Variants in CSRNP3 observed in about 807,000 individuals in gnomAD.
CSRNP3 encodes the protein cysteine/serine-rich nuclear protein 3.
CSRNP3 carries 12 observed loss-of-function variants against 48.0 expected under a neutral mutation model. The observed-to-expected ratio is 0.25, with a 90% CI of 0.16 to 0.41. The LOEUF is 0.41. Among genes scored for constraint, CSRNP3 ranks in the 10% least tolerant of loss-of-function variants. The probability of loss-of-function intolerance (pLI) is 1.00; values close to 1 mark genes in which losing one functional copy is unlikely to be tolerated. For missense variants in CSRNP3, 580 were observed against 724.4 expected (o/e 0.80, Z 2.29); for synonymous variants, 263 against 269.7 (o/e 0.98, Z 0.24).
chr2:165,577,813 A>T (rs915210602), intron 3 of CSRNP3, among the ~76,000 whole-genome samples: 3 of 151,902 alleles, frequency 2.0e-5, no homozygotes, highest in African/African-American at 7.2e-5. Flanking sequence ...CTTTACATTC[A>T]ATTCTAAATC....
At chr2:165,579,410 C>CT (rs1384867559) in intron 3 of CSRNP3, among the ~76,000 whole-genome samples, 1 of 152,138 alleles carries the variant, frequency 6.6e-6, no homozygotes, top group East Asian at 1.9e-4. Context: ...TCTGAGCTCC[C>CT]TTTTTTTATA....
At chr2:165,633,588 C>T (rs1686574945) in intron 4 of CSRNP3, among the ~76,000 whole-genome samples, 1 of 152,120 alleles carries the variant, frequency 6.6e-6, no homozygotes, top group Non-Finnish European at 1.5e-5. Context: ...TCCAAGACTC[C>T]CCACTGAGCA....
chr2:165,500,881 G>T (rs1010675558), intron 2 of CSRNP3, among the ~76,000 whole-genome samples: 1 of 151,976 alleles, frequency 6.6e-6, no homozygotes, highest in Non-Finnish European at 1.5e-5. Flanking sequence ...ACCTTGGTTT[G>T]GAATAAATCA....
chr2:165,534,787 T>G (rs996086325), intron 3 of CSRNP3, among the ~76,000 whole-genome samples: 12 of 151,730 alleles, frequency 7.9e-5, no homozygotes, highest in Admixed American at 7.9e-4. Context: ...CCCATAATAT[T>G]AAAATAATAA....
intron 5 of CSRNP3, among the ~76,000 whole-genome samples, chr2:165,659,376 C>T (rs1421405048): frequency 6.6e-6 from 1 of 152,116 alleles, no homozygotes; most frequent in Non-Finnish European, 1.5e-5. Context: ...TCAGGAATGA[C>T]CCCTAAATTT....
chr2:165,562,824 T>C lies in CSRNP3; in HGVS notation c.-23-32219T>C, dbSNP rs1348154923. ...AACACAGTAATAAGGCATAGTGTCA[T>C]AAAATTTATAGTAGAGTAATAAAGA... is the stretch of plus-strand genomic sequence containing the variant. On this transcript the variant is annotated intron_variant, in intron 3 of 6. Coordinates refer to ENST00000651982, the MANE Select transcript of CSRNP3 (RefSeq NM_001172173.2). 2.0e-5 allele frequency among the ~76,000 whole-genome samples: 3 copies of C among 152,126 alleles called. No individual in the cohort carries two copies. The East Asian group carries it at 5.8e-4, about 29-fold the overall frequency.
intron 3 of CSRNP3, among the ~76,000 whole-genome samples, chr2:165,564,336 A>G (rs376720999): frequency 6.6e-6 from 1 of 152,216 alleles, no homozygotes; most frequent in East Asian, 1.9e-4. Context: ...TTTTCTTCTT[A>G]TTAAAATAAC....
At position 165,682,790 on chromosome 2, in the gene CSRNP3, T is replaced by A. The variant is rs1687568893; in HGVS notation, c.*3037T>A. 6.6e-6 allele frequency: 1 copy of A among 152,108 alleles called. No homozygotes were observed. Among genetic ancestry groups the A allele is most frequent in the African/African-American group, 2.4e-5 (1 of 41,428 alleles). 9.4% of individuals were successfully genotyped at this position (152,108 alleles called of 1,614,324 possible). ...AAGTGCTACAGTCCTTCTAAGCTTT[T>A]AAAAATGGGGATCAAGCTACATGCA... On this transcript the variant is annotated 3_prime_UTR_variant, in exon 7 of 7. Transcript: ENST00000651982.
intron 4 of CSRNP3, among the ~76,000 whole-genome samples, chr2:165,603,188 C>A (rs1685947574): frequency 6.6e-6 from 1 of 152,194 alleles, no homozygotes; most frequent in Non-Finnish European, 1.5e-5. Context: ...AGCCACCGCG[C>A]CCGGCCTGAA....
intron 3 of CSRNP3, among the ~76,000 whole-genome samples, chr2:165,528,393 G>T (rs1449252867): frequency 6.6e-6 from 1 of 152,058 alleles, no homozygotes; most frequent in Admixed American, 6.6e-5. Flanking sequence ...AAAAATAATT[G>T]CCCAGACCAG....
At chr2:165,619,579 C>A (rs910696980) in intron 4 of CSRNP3, among the ~76,000 whole-genome samples, 2 of 151,794 alleles carry the variant, frequency 1.3e-5, no homozygotes, top group African/African-American at 4.8e-5. Context: ...TTATAAAGTT[C>A]TACACACATA....
chr2:165,651,377 C>A (rs1373230889), intron 4 of CSRNP3, among the ~76,000 whole-genome samples: 9 of 152,080 alleles, frequency 5.9e-5, no homozygotes, highest in Admixed American at 5.9e-4. Flanking sequence ...TTGAATTTTC[C>A]TAGAGCCTAG....
At chr2:165,625,463 T>TAA (rs751804276) in intron 4 of CSRNP3, among the ~76,000 whole-genome samples, 2 of 116,388 alleles carry the variant, frequency 1.7e-5, no homozygotes, top group South Asian at 2.8e-4. Flanking sequence ...CTGTCTCTAA[T>TAA]AAAAAAAAAA....
chr2:165,574,223 C>A, intron 3 of CSRNP3: 1 of 619,608 alleles, frequency 1.6e-6, no homozygotes, highest in South Asian at 2.1e-5. Flanking sequence ...ATGAGACCAG[C>A]TCGGAGGCTT....
chr2:165,674,713 T>A (rs113414692), intron 5 of CSRNP3, among the ~76,000 whole-genome samples: 65 of 133,284 alleles, frequency 4.9e-4, no homozygotes, highest in South Asian at 7.1e-4. Context: ...TATATATATA[T>A]AATTTGTTTA....
chr2:165,508,977 C>G, intron 2 of CSRNP3, among the ~76,000 whole-genome samples: 1 of 152,092 alleles, frequency 6.6e-6, no homozygotes. Context: ...CATTTATGGA[C>G]TAACACTGAC....
Position 165,661,143 on chromosome 2 carries a change from T to C in CSRNP3, c.408+3123T>C, listed in dbSNP as rs1386492651. On this transcript the variant is annotated intron_variant, in intron 5 of 6. Transcript: ENST00000651982. ...AGCCAGCTACCCCAAAACATAGCTA[T>C]TCAAAAATTTCACTCTGATACTTGA... Among the ~76,000 whole-genome samples the C allele has an allele frequency of 2.0e-5, 3 of 152,184 alleles. No homozygotes were observed. In the East Asian group the frequency reaches 5.8e-4, roughly 29 times the overall value.
intron 3 of CSRNP3, chr2:165,566,965 C>T (rs1400613583): frequency 6.6e-6 from 1 of 152,036 alleles, no homozygotes; most frequent in East Asian, 1.9e-4. Context: ...TACAAATAAA[C>T]ATATGCTCAT....
At chr2:165,583,316 T>C (rs1685577173) in intron 3 of CSRNP3, among the ~76,000 whole-genome samples, 2 of 152,202 alleles carry the variant, frequency 1.3e-5, no homozygotes, top group African/African-American at 2.4e-5. Flanking sequence ...TCAGGGGTAA[T>C]TGTTTGAATG....
Sources: allele counts gnomAD v4.1 joint callset (sites outside exome capture counted in the v4.1 genomes callset), GRCh38; gene constraint gnomAD v4.1.1; transcripts MANE v1.5; gene names NCBI Gene and HGNC (gene_info 2026-07-23, HGNC 2026-07-21).